Variants in MCTP2 observed in about 807,000 individuals in gnomAD.
MCTP2 encodes multiple C2 and transmembrane domain containing 2, also known as multiple C2 and transmembrane domain-containing protein 2.
In MCTP2, 132 loss-of-function variants were observed where a neutral mutation model predicts 111.6. The ratio of observed to expected loss-of-function variants is 1.18; its 90% CI spans 1.03 to 1.37. The LOEUF is 1.37. Among genes scored for constraint, MCTP2 ranks in the 40% most tolerant of loss-of-function variants. MCTP2 has a pLI of 0.00. For missense variants in MCTP2, 1,183 were observed against 1,067.9 expected, an observed-to-expected ratio of 1.11 and a Z score of -1.50; for synonymous variants, 395 against 387.7, an observed-to-expected ratio of 1.02 and a Z score of -0.22.
chr15:94,240,526 C>G (rs908854256), intron 1 of MCTP2, among the ~76,000 whole-genome samples: 2 of 152,158 alleles, frequency 1.3e-5, no homozygotes, highest in African/African-American at 4.8e-5. Flanking sequence ...AGTAGCTGTT[C>G]TGTGCATTCT....
intron 14 of MCTP2, among the ~76,000 whole-genome samples, chr15:94,387,149 C>G (rs924772539): frequency 1.3e-5 from 2 of 151,706 alleles, no homozygotes; most frequent in Non-Finnish European, 2.9e-5. Context: ...TCCCCCCTTC[C>G]TCCTTTCCTT....
chr15:94,356,403 G>C, intron 9 of MCTP2, 102 bp downstream of exon 9: 2 of 1,095,672 alleles, frequency 1.8e-6, no homozygotes, highest in Non-Finnish European at 1.2e-6. Flanking sequence ...AGTAATTTAT[G>C]TTCAGCCCGC....
At chr15:94,432,963 T>G (rs2083273902) in intron 17 of MCTP2, among the ~76,000 whole-genome samples, 1 of 152,224 alleles carries the variant, frequency 6.6e-6, no homozygotes, top group Admixed American at 6.5e-5. Flanking sequence ...GGTTGATTAC[T>G]TAATTGGTTA....
intron 2 of MCTP2, among the ~76,000 whole-genome samples, chr15:94,308,324 T>C (rs2075976791): frequency 6.6e-6 from 1 of 152,232 alleles, no homozygotes; most frequent in South Asian, 2.1e-4. Context: ...CATGTACAGC[T>C]GCTTCCTGGT....
chr15:94,322,874 G>A (rs1277227726), intron 4 of MCTP2, among the ~76,000 whole-genome samples: 3 of 152,166 alleles, frequency 2.0e-5, no homozygotes, highest in African/African-American at 7.2e-5. Flanking sequence ...CCCAAGAAAG[G>A]ATGTTAGAAA....
At chr15:94,395,247 A>G (rs2152468928) in intron 14 of MCTP2, among the ~76,000 whole-genome samples, 1 of 152,294 alleles carries the variant, frequency 6.6e-6, no homozygotes, top group South Asian at 2.1e-4. Flanking sequence ...TTGTCACGTT[A>G]TTTTCCCTTT....
At chr15:94,245,852 A>T (rs2045266) in intron 1 of MCTP2, among the ~76,000 whole-genome samples, 1 of 151,818 alleles carries the variant, frequency 6.6e-6, no homozygotes, top group South Asian at 2.1e-4. Context: ...AATATTGATC[A>T]GCTATGATTT....
At chr15:94,397,385 A>G (rs550251275) in intron 14 of MCTP2, among the ~76,000 whole-genome samples, 5 of 152,368 alleles carry the variant, frequency 3.3e-5, no homozygotes, top group African/African-American at 7.2e-5. Context: ...TTAAGATAAC[A>G]GTACAATGAC....
Position 94,476,189 on chromosome 15 carries a change from C to G in MCTP2, c.2471-507C>G, listed in dbSNP as rs575422676. On this transcript the variant is annotated intron_variant, in intron 21 of 22. Transcript: ENST00000357742. ...CTTTGTAACAACAAGAAAACAACTCCCGCCCTCTACCTCCCACTGCTACGT... is the reference window on the plus strand; with the variant it reads ...CTTTGTAACAACAAGAAAACAACTCGCGCCCTCTACCTCCCACTGCTACGT... Among the ~76,000 whole-genome samples the G allele has an allele frequency of 6.2e-4, 95 of 152,262 alleles. 1 individual carries two copies. Among genetic ancestry groups the G allele is most frequent in the Non-Finnish European group, 5.6e-4 (38 of 68,018 alleles).
chr15:94,442,479 G>A (rs1467269257), intron 18 of MCTP2, among the ~76,000 whole-genome samples: 5 of 152,120 alleles, frequency 3.3e-5, no homozygotes, highest in Non-Finnish European at 4.4e-5. Context: ...ATTATATTCA[G>A]ACTAATGCAT....
intron 7 of MCTP2, chr15:94,344,006 G>T (rs1455766473): frequency 6.6e-6 from 1 of 151,550 alleles, no homozygotes; most frequent in Non-Finnish European, 1.5e-5. Flanking sequence ...CTAAAAGATG[G>T]TAATTAATTT....
intron 19 of MCTP2, 29 bp downstream of exon 19, chr15:94,442,989 A>C: frequency 6.2e-7 from 1 of 1,600,012 alleles, no homozygotes; most frequent in Middle Eastern, 1.7e-4. Context: ...GAACACACAC[A>C]AAAAAACACT....
intron 8 of MCTP2, among the ~76,000 whole-genome samples, chr15:94,350,241 G>A (rs944546065): frequency 7.2e-5 from 11 of 152,212 alleles, no homozygotes; most frequent in African/African-American, 2.4e-4. Flanking sequence ...AGGTGATGGA[G>A]GTAGGCTGGG....
chr15:94,462,335 T>C (rs976358450), intron 20 of MCTP2, among the ~76,000 whole-genome samples: 1 of 152,188 alleles, frequency 6.6e-6, no homozygotes, highest in Non-Finnish European at 1.5e-5. Context: ...GCGAAGTTAG[T>C]CATTTGTCTC....
chr15:94,244,240 GTGTATACACATATGTGTATATATT>G (rs1282984040), intron 1 of MCTP2, among the ~76,000 whole-genome samples: 3 of 101,526 alleles, frequency 3.0e-5, no homozygotes, highest in Non-Finnish European at 6.4e-5. Flanking sequence ...TTATATACAC[GTGTATACACATATGTGTATATATT>G]TATATACACA....
intron 1 of MCTP2, among the ~76,000 whole-genome samples, chr15:94,243,948 T>A (rs1046240194): frequency 6.9e-6 from 1 of 145,670 alleles, no homozygotes; most frequent in African/African-American, 2.5e-5. Flanking sequence ...CATACATATA[T>A]GTGTATATAT....
intron 21 of MCTP2, among the ~76,000 whole-genome samples, chr15:94,472,003 G>GT (rs1412869845): frequency 6.6e-6 from 1 of 152,200 alleles, no homozygotes; most frequent in African/African-American, 2.4e-5. Context: ...ATGGTCAGCT[G>GT]TTAAACATTG....
chr15:94,289,861 C>CT, intron 1 of MCTP2, among the ~76,000 whole-genome samples: 1 of 152,188 alleles, frequency 6.6e-6, no homozygotes, highest in Non-Finnish European at 1.5e-5. Context: ...ATCTAACAGA[C>CT]TTTAAGATAG....
At chr15:94,393,926 T>C (rs755498673) in intron 14 of MCTP2, among the ~76,000 whole-genome samples, 13 of 151,782 alleles carry the variant, frequency 8.6e-5, no homozygotes, top group African/African-American at 1.5e-4. Context: ...GGCGTGCTTC[T>C]GTAATCCCAG....
Sources: allele counts gnomAD v4.1 joint callset (sites outside exome capture counted in the v4.1 genomes callset), GRCh38; gene constraint gnomAD v4.1.1; transcripts MANE v1.5; gene names NCBI Gene and HGNC (gene_info 2026-07-23, HGNC 2026-07-21).